FN3KRP: variants seen among roughly 807,000 people sequenced by gnomAD.
FN3KRP encodes ketosamine-3-kinase.
In FN3KRP, 33 loss-of-function variants were observed where a neutral mutation model predicts 29.8. That is an observed-to-expected ratio of 1.11 (90% confidence interval 0.84 to 1.48). FN3KRP has a LOEUF of 1.48. Among genes scored for constraint, FN3KRP ranks in the 40% most tolerant of loss-of-function variants. FN3KRP has a pLI of 0.00. For synonymous variants in FN3KRP, 157 were observed against 155.2 expected (o/e 1.01, Z -0.09); for missense variants, 430 against 402.6 (o/e 1.07, Z -0.58).
intron 4 of FN3KRP, among the ~76,000 whole-genome samples, chr17:82,723,579 G>A (rs973912014): frequency 4.6e-5 from 7 of 152,010 alleles, no homozygotes; most frequent in African/African-American, 1.7e-4. Context: ...GTGTGCATGT[G>A]TGTGCATATG....
intron 2 of FN3KRP, among the ~76,000 whole-genome samples, chr17:82,719,616 G>A (rs1034947298): frequency 3.3e-5 from 5 of 152,212 alleles, no homozygotes; most frequent in Non-Finnish European, 5.9e-5. Context: ...TTAGCTGGAT[G>A]TGGTGGCAGG....
intron 1 of FN3KRP, among the ~76,000 whole-genome samples, chr17:82,717,611 C>A (rs994167736): frequency 1.3e-5 from 2 of 152,100 alleles, no homozygotes; most frequent in East Asian, 1.9e-4. Context: ...CCCAGCTACT[C>A]GGGAGGCTGA....
rs1362619459 is a variant in FN3KRP, at chr17:82,716,736, T to G, written c.-20T>G. 2.9e-5 allele frequency: 43 copies of G among 1,478,334 alleles called. No individual in the cohort carries two copies. Among genetic ancestry groups the G allele is most frequent in the Non-Finnish European group, 3.6e-5 (40 of 1,121,616 alleles). The allele number at this position is 1,478,334 out of a possible 1,614,324, so 91.6% of individuals were successfully genotyped here. A position where few individuals can be genotyped will look rare whatever the true frequency, so the allele number is the denominator to read the frequency against. Reference sequence around the variant, plus strand: ...GAGTCTCCGCCAGATCCGGGGCGGGTCCGCGGCCGCGGCGGGAACATGGAG... The same window carrying G: ...GAGTCTCCGCCAGATCCGGGGCGGGGCCGCGGCCGCGGCGGGAACATGGAG... On this transcript the variant is annotated 5_prime_UTR_variant, in exon 1 of 6. Coordinates refer to ENST00000269373, the MANE Select transcript of FN3KRP (RefSeq NM_024619.4).
intron 4 of FN3KRP, among the ~76,000 whole-genome samples, chr17:82,723,192 C>G (rs1219494135): frequency 6.6e-6 from 1 of 152,086 alleles, no homozygotes; most frequent in Admixed American, 6.6e-5. Flanking sequence ...GGGTTTGTCA[C>G]TTTTGGTTGT....
At chr17:82,724,658 T>C (rs1014157669) in intron 4 of FN3KRP, among the ~76,000 whole-genome samples, 4 of 151,788 alleles carry the variant, frequency 2.6e-5, no homozygotes, top group Admixed American at 2.0e-4. Flanking sequence ...CAGTCAGATA[T>C]CTTCTGTTAC....
chr17:82,720,304 AT>A lies in FN3KRP; in HGVS notation c.329del (p.Leu110TyrfsTer13), dbSNP rs1195298503. 3.1e-6 allele frequency: 5 copies of A among 1,614,046 alleles called. No individual in the cohort carries two copies. In the South Asian group the frequency reaches 5.5e-5, roughly 18 times the overall value. ...HAAKLGAQLA[D>X]LHLDNKKLGE... is the part of the protein sequence containing the mutation. ...GCAAAGCTTGGAGCCCAGCTGGCCG[AT>A]TTACACCTTGATAACAAGAAGCTTG... On this transcript the variant is annotated frameshift_variant, in exon 3 of 6. Transcript: ENST00000269373. LOFTEE classifies it high-confidence loss of function.
chr17:82,723,171 T>A (rs1431478454), intron 4 of FN3KRP, among the ~76,000 whole-genome samples: 1 of 151,932 alleles, frequency 6.6e-6, no homozygotes, highest in Non-Finnish European at 1.5e-5. Flanking sequence ...TCAAAGAGGG[T>A]GGAATGACAA....
intron 4 of FN3KRP, among the ~76,000 whole-genome samples, chr17:82,725,850 A>G (rs923216328): frequency 8.5e-5 from 13 of 152,204 alleles, no homozygotes; most frequent in African/African-American, 3.1e-4. Flanking sequence ...CTGATGAACT[A>G]TTGTCAGCTG....
rs759554457 is a variant in FN3KRP at position 82,720,253 on chromosome 17, C to T, written c.294-19C>T. 3.6e-5 allele frequency: 57 copies of T among 1,603,762 alleles called. No individual in the cohort carries two copies. The highest frequency in any genetic ancestry group is 1.7e-4 in the Middle Eastern group (1 of 6,040). ...ATTCTGTGTGTCATCTGTTTAGTTG[C>T]TGTCGTTTGATTTGACAGTCATGCT... is the stretch of plus-strand genomic sequence containing the variant. On this transcript the variant is annotated intron_variant, in intron 2 of 5. Coordinates refer to ENST00000269373, the MANE Select transcript of FN3KRP (RefSeq NM_024619.4).
chr17:82,717,512 G>A (rs1055600241), intron 1 of FN3KRP, among the ~76,000 whole-genome samples: 6 of 151,120 alleles, frequency 4.0e-5, no homozygotes, highest in African/African-American at 1.5e-4. Flanking sequence ...GAAGTCAGGA[G>A]TTCGAGACCA....
intron 1 of FN3KRP, 148 bp downstream of exon 1, chr17:82,717,044 C>T (rs536779276): frequency 8.6e-6 from 9 of 1,044,882 alleles, no homozygotes; most frequent in East Asian, 6.4e-5. Flanking sequence ...GCGGGGAACC[C>T]TTTGCGCGGG....
chr17:82,719,130 G>A (rs1008641357), intron 2 of FN3KRP, 73 bp downstream of exon 2: 4 of 1,336,244 alleles, frequency 3.0e-6, no homozygotes, highest in South Asian at 1.3e-5. Context: ...GTTTTATTAT[G>A]TGTGTCTTCA....
Position 82,716,819 on chromosome 17 carries a change from G to C in FN3KRP, c.64G>C (p.Gly22Arg), listed in dbSNP as rs191224552. Residue 22 changes from glycine to arginine, a missense_variant, in exon 1 of 6, where the codon GGC (glycine) becomes CGC (arginine). Gly to Arg is a moderately radical substitution (Grantham distance 125). Transcript: ENST00000269373. Reference sequence around the variant, plus strand: ...TGTCAGGGCCACGGGCCACTCGGGGGGCGGGTGCATCAGCCAGGGCCGGAG... The same window carrying C: ...TGTCAGGGCCACGGGCCACTCGGGGCGCGGGTGCATCAGCCAGGGCCGGAG... ...SSVRATGHSG[G>R]GCISQGRSYD... The C allele has an allele frequency of 4.5e-6, 7 of 1,555,896 alleles. No homozygotes were observed. In the South Asian group the frequency reaches 7.1e-5, roughly 16 times the overall value.
intron 2 of FN3KRP, among the ~76,000 whole-genome samples, chr17:82,719,909 A>C (rs1192532219): frequency 6.6e-6 from 1 of 152,212 alleles, no homozygotes; most frequent in Non-Finnish European, 1.5e-5. Context: ...TCACGCCTCT[A>C]ATCCCGGCAC....
intron 4 of FN3KRP, among the ~76,000 whole-genome samples, chr17:82,723,472 C>G (rs1012646425): frequency 7.2e-5 from 11 of 152,058 alleles, no homozygotes; most frequent in African/African-American, 2.7e-4. Context: ...CAGCTCCGCC[C>G]CTTCGTCTCG....
intron 4 of FN3KRP, among the ~76,000 whole-genome samples, chr17:82,723,667 G>A (rs116459454): frequency 0.024 from 3,571 of 151,600 alleles, 144 homozygotes; most frequent in African/African-American, 0.079. Context: ...GCGTGTGCGC[G>A]CACATGTATG....
chr17:82,726,916 G>A lies in FN3KRP; in HGVS notation c.675G>A (p.Glu225=). Reference sequence around the variant, plus strand: ...ACCTCTGGGGTGGAAACGTAGCAGAGGATTCCTCTGGGCCGGTGATTTTTG... The same window carrying A: ...ACCTCTGGGGTGGAAACGTAGCAGAAGATTCCTCTGGGCCGGTGATTTTTG... ...HGDLWGGNVA[E]DSSGPVIFDP... is the part of the protein sequence containing the mutation. Residue 225 remains glutamate, a synonymous_variant, in exon 6 of 6, where the codon GAG becomes GAA. Coordinates refer to ENST00000269373, the MANE Select transcript of FN3KRP (RefSeq NM_024619.4). The A allele has an allele frequency of 6.2e-7, 1 of 1,609,292 alleles. No homozygotes were observed. The highest frequency in any genetic ancestry group is 8.5e-7 in the Non-Finnish European group (1 of 1,177,102).
rs368286765 is a variant in FN3KRP, at chr17:82,723,549, CTG to C, written c.468+666_468+667del. Reference sequence around the variant, plus strand: ...TATGTGTATTTGTGTGCACGCACGTCTGTGCGCATATGTGTATGTGTGTGCAT... The same window carrying C: ...TATGTGTATTTGTGTGCACGCACGTCTGCGCATATGTGTATGTGTGTGCAT... On this transcript the variant is annotated intron_variant, in intron 4 of 5. Coordinates refer to ENST00000269373, the MANE Select transcript of FN3KRP (RefSeq NM_024619.4). 6.0e-4 allele frequency among the ~76,000 whole-genome samples: 91 copies of C among 151,238 alleles called. No individual in the cohort carries two copies. In the East Asian group the frequency reaches 0.011, roughly 19 times the overall value.
At chr17:82,719,129 T>A in intron 2 of FN3KRP, 72 bp downstream of exon 2, 1 of 1,409,658 alleles carries the variant, frequency 7.1e-7, no homozygotes. Context: ...TGTTTTATTA[T>A]GTGTGTCTTC....
Sources: gnomAD v4.1 joint callset for allele counts (sites outside exome capture counted in the v4.1 genomes callset) on GRCh38, gnomAD v4.1.1 for gene constraint, MANE v1.5 for transcripts, NCBI Gene and HGNC (gene_info 2026-07-23, HGNC 2026-07-21) for gene names.